The following SLC25A21 variants were observed in gnomAD, a reference collection of about 807,000 sequenced individuals.
SLC25A21 encodes solute carrier family 25 member 21, also known as mitochondrial 2-oxodicarboxylate carrier.
Under a neutral mutation model 43.8 loss-of-function variants are expected in SLC25A21, and 47 were observed. That is an observed-to-expected ratio of 1.07 (90% CI 0.85 to 1.37). SLC25A21 has a LOEUF of 1.37. SLC25A21 is among the 40% of genes most tolerant of loss of function. The probability of loss-of-function intolerance (pLI) is 0.00; values close to 1 mark genes in which losing one functional copy is unlikely to be tolerated. For missense variants in SLC25A21, 352 were observed against 350.2 expected (o/e 1.00, Z -0.04); for synonymous variants, 131 against 121.3 (o/e 1.08, Z -0.52).
At chr14:36,719,137 G>T (rs941394254) in intron 6 of SLC25A21, among the ~76,000 whole-genome samples, 1 of 152,190 alleles carries the variant, frequency 6.6e-6, no homozygotes, top group Non-Finnish European at 1.5e-5. Flanking sequence ...ATTCATACAA[G>T]ATTTTGCTTC....
intron 7 of SLC25A21, among the ~76,000 whole-genome samples, chr14:36,687,834 C>T (rs185982119): frequency 6.6e-6 from 1 of 152,312 alleles, no homozygotes; most frequent in Admixed American, 6.5e-5. Context: ...TGCTTCCTTC[C>T]TGCCTGCTAG....
chr14:37,055,283 C>T (rs141195416), intron 1 of SLC25A21, among the ~76,000 whole-genome samples: 6 of 152,224 alleles, frequency 3.9e-5, no homozygotes, highest in South Asian at 2.1e-4. Flanking sequence ...GCAGATGTCA[C>T]GATGAGATGA....
At chr14:37,016,845 T>A (rs1960868436) in intron 1 of SLC25A21, among the ~76,000 whole-genome samples, 1 of 152,102 alleles carries the variant, frequency 6.6e-6, no homozygotes, top group African/African-American at 2.4e-5. Context: ...ACAGATTATT[T>A]CCTCAAACCT....
At chr14:36,743,166 T>C (rs1253821898) in intron 3 of SLC25A21, among the ~76,000 whole-genome samples, 2 of 152,010 alleles carry the variant, frequency 1.3e-5, no homozygotes, top group Admixed American at 1.3e-4. Flanking sequence ...AGAACCCTGA[T>C]GGAAAACACT....
rs184950127 is a variant in SLC25A21, at chr14:37,036,649, C to T, written c.70+135632G>A. Reference sequence around the variant, plus strand: ...CCCTTTATCATAATGTGTTATTTTGCACACTCCACAATCAATAGATATGGT... The same window carrying T: ...CCCTTTATCATAATGTGTTATTTTGTACACTCCACAATCAATAGATATGGT... On this transcript the variant is annotated intron_variant, in intron 1 of 9. Transcript: ENST00000331299. Among the ~76,000 whole-genome samples the T allele has an allele frequency of 2.0e-5, 3 of 148,256 alleles. No individual in the cohort carries two copies. In the East Asian group the frequency reaches 5.8e-4, roughly 29 times the overall value.
intron 2 of SLC25A21, among the ~76,000 whole-genome samples, chr14:36,815,513 T>G (rs1888424898): frequency 6.6e-6 from 1 of 152,084 alleles, no homozygotes; most frequent in South Asian, 2.1e-4. Context: ...TCATTCTGGG[T>G]AGTTCAGGCT....
intron 1 of SLC25A21, among the ~76,000 whole-genome samples, chr14:37,050,229 C>G (rs569740773): frequency 6.6e-6 from 1 of 152,068 alleles, no homozygotes; most frequent in Non-Finnish European, 1.5e-5. Flanking sequence ...AATTAATATC[C>G]ATAAATAAGA....
At chr14:37,054,872 C>A (rs912944156) in intron 1 of SLC25A21, among the ~76,000 whole-genome samples, 1 of 152,236 alleles carries the variant, frequency 6.6e-6, no homozygotes, top group African/African-American at 2.4e-5. Context: ...CAAATCCAAA[C>A]TCTGCAAACA....
intron 3 of SLC25A21, 68 bp downstream of exon 3, chr14:36,813,850 A>G: frequency 1.7e-6 from 2 of 1,168,826 alleles, no homozygotes; most frequent in Non-Finnish European, 2.5e-6. Context: ...AGGAAAATAA[A>G]CCATTCGAAA....
intron 1 of SLC25A21, among the ~76,000 whole-genome samples, chr14:37,093,977 A>C (rs576301824): frequency 6.3e-4 from 96 of 152,320 alleles, no homozygotes; most frequent in African/African-American, 2.0e-3. Flanking sequence ...ACACGGTGGC[A>C]ATTTTGAAGA....
chr14:36,680,070 T>A lies in SLC25A21; in HGVS notation c.*588A>T. The stretch of plus-strand genomic sequence containing the variant: ...ATAGAGCTGATATGTGCATAGTTAC[T>A]AAAAAAAACCAACAGATTTACATTT... On this transcript the variant is annotated 3_prime_UTR_variant, in exon 10 of 10. Transcript: ENST00000331299. 2.3e-6 allele frequency: 2 copies of A among 870,538 alleles called. No individual in the cohort carries two copies. The highest frequency in any genetic ancestry group is 2.8e-6 in the Non-Finnish European group (2 of 726,300). 53.9% of individuals were successfully genotyped at this position (870,538 alleles called of 1,614,324 possible). A position where few individuals can be genotyped will look rare whatever the true frequency, so the allele number is the denominator to read the frequency against.
intron 1 of SLC25A21, among the ~76,000 whole-genome samples, chr14:37,107,649 T>C (rs1962940759): frequency 6.6e-6 from 1 of 152,176 alleles, no homozygotes; most frequent in Admixed American, 6.6e-5. Flanking sequence ...CCCTATAATG[T>C]AAATATTGTT....
At chr14:36,826,152 T>C (rs75401567) in intron 2 of SLC25A21, among the ~76,000 whole-genome samples, 74 of 152,306 alleles carry the variant, frequency 4.9e-4, no homozygotes, top group African/African-American at 1.7e-3. Context: ...GACAAACATG[T>C]AGCATTCAAA....
intron 1 of SLC25A21, among the ~76,000 whole-genome samples, chr14:37,021,449 G>T (rs1960983240): frequency 6.6e-6 from 1 of 151,920 alleles, no homozygotes. Flanking sequence ...CAATTGCTCT[G>T]ATCAATAATA....
chr14:36,751,666 G>A (rs1270240104), intron 3 of SLC25A21, among the ~76,000 whole-genome samples: 1 of 152,084 alleles, frequency 6.6e-6, no homozygotes, highest in Non-Finnish European at 1.5e-5. Context: ...TTATCAGCAA[G>A]TATTTCATGG....
At chr14:36,838,260 CATGTCTGTACAT>C (rs1256923610) in intron 2 of SLC25A21, among the ~76,000 whole-genome samples, 1 of 152,172 alleles carries the variant, frequency 6.6e-6, no homozygotes, top group Non-Finnish European at 1.5e-5. Flanking sequence ...AGAGGGGTCA[CATGTCTGTACAT>C]ATTTTCTGCC....
intron 3 of SLC25A21, among the ~76,000 whole-genome samples, chr14:36,796,092 T>C (rs1349912390): frequency 6.6e-6 from 1 of 152,082 alleles, no homozygotes; most frequent in Non-Finnish European, 1.5e-5. Flanking sequence ...TGTTGCACAG[T>C]GGAAATCAGA....
At chr14:36,700,856 C>T (rs936093403) in intron 7 of SLC25A21, among the ~76,000 whole-genome samples, 3 of 152,084 alleles carry the variant, frequency 2.0e-5, no homozygotes, top group South Asian at 2.1e-4. Flanking sequence ...TGGTAGCAAC[C>T]GCAAGGCAAA....
intron 3 of SLC25A21, among the ~76,000 whole-genome samples, chr14:36,796,071 A>G (rs1887659235): frequency 6.6e-6 from 1 of 152,198 alleles, no homozygotes; most frequent in South Asian, 2.1e-4. Context: ...TCATTTGTTA[A>G]GAAAATGAAA....
Sources: allele counts gnomAD v4.1 joint callset (sites outside exome capture counted in the v4.1 genomes callset), GRCh38; gene constraint gnomAD v4.1.1; transcripts MANE v1.5; gene names NCBI Gene and HGNC (gene_info 2026-07-23, HGNC 2026-07-21).